CDIN1: variants seen among roughly 807,000 people sequenced by gnomAD.
The protein encoded by CDIN1 is CDAN1 interacting nuclease 1.
Under a neutral mutation model 45.3 loss-of-function variants are expected in CDIN1, and 33 were observed. The ratio of observed to expected loss-of-function variants is 0.73; its 90% CI spans 0.55 to 0.97. The LOEUF is 0.97. Among genes scored for constraint, CDIN1 ranks in the 50% least tolerant of loss-of-function variants. The probability of loss-of-function intolerance (pLI) is 0.00; values close to 1 mark genes in which losing one functional copy is unlikely to be tolerated. For synonymous variants in CDIN1, 118 were observed against 124.4 expected (o/e 0.95, Z 0.34); for missense variants, 303 against 339.4 (o/e 0.89, Z 0.84).
chr15:36,609,557 G>A (rs935306164), intron 1 of CDIN1, among the ~76,000 whole-genome samples: 1 of 152,098 alleles, frequency 6.6e-6, no homozygotes, highest in Non-Finnish European at 1.5e-5. Context: ...CTTGAAGCCA[G>A]GAGTTTGAGA....
chr15:36,644,286 A>G lies in CDIN1; in HGVS notation c.110A>G (p.Gln37Arg). 1.2e-6 allele frequency: 2 copies of G among 1,613,692 alleles called. No homozygotes were observed. The highest frequency in any genetic ancestry group is 1.7e-6 in the Non-Finnish European group (2 of 1,179,706). ...KLKQRFPSQS[Q>R]ATLLSIFSQE... The stretch of plus-strand genomic sequence containing the variant: ...TCTTTTATTTGTTCCAGTCAATCGC[A>G]GGCCACTCTGCTGAGCATCTTCTCC... The change falls in exon 2 of 11, where the codon CAG becomes CGG. Residue 37 changes from glutamine to arginine, a missense_variant. Transcript: ENST00000566621.
chr15:36,603,247 A>ACT (rs2038196486), intron 1 of CDIN1, among the ~76,000 whole-genome samples: 1 of 152,204 alleles, frequency 6.6e-6, no homozygotes, highest in Non-Finnish European at 1.5e-5. Context: ...TCAGAAGCTA[A>ACT]AGACACATTC....
At chr15:36,628,796 C>T (rs2039558660) in intron 1 of CDIN1, among the ~76,000 whole-genome samples, 1 of 152,124 alleles carries the variant, frequency 6.6e-6, no homozygotes, top group African/African-American at 2.4e-5. Flanking sequence ...TGTTACCTTA[C>T]ATAGACTTAG....
chr15:36,645,586 G>C (rs975768045), intron 3 of CDIN1, among the ~76,000 whole-genome samples: 3 of 150,650 alleles, frequency 2.0e-5, no homozygotes, highest in Admixed American at 2.0e-4. Context: ...TTGGCTACTT[G>C]AAACTTATTA....
intron 10 of CDIN1, among the ~76,000 whole-genome samples, chr15:36,779,143 A>C (rs1162604665): frequency 6.6e-6 from 1 of 152,198 alleles, no homozygotes; most frequent in Non-Finnish European, 1.5e-5. Context: ...GCTGTATGCC[A>C]CCACTCCCTG....
chr15:36,716,309 C>A (rs2043213136), intron 10 of CDIN1, among the ~76,000 whole-genome samples: 1 of 152,108 alleles, frequency 6.6e-6, no homozygotes, highest in Non-Finnish European at 1.5e-5. Context: ...AGAAATCTTA[C>A]ACCAAACCAA....
rs545950250 is a variant in CDIN1, at chr15:36,596,138, A to G, written c.101+16177A>G. ...ACTCAAACAAAATAATTGCTAACAA[A>G]AAATATATTTAGTAGAGTCAGTATC... On this transcript the variant is annotated intron_variant, in intron 1 of 10. Transcript: ENST00000566621. Among the ~76,000 whole-genome samples, 9 of 152,244 alleles carry G rather than the reference A, an allele frequency of 5.9e-5. No homozygotes were observed. In the South Asian group the frequency reaches 1.9e-3, roughly 32 times the overall value.
intron 1 of CDIN1, among the ~76,000 whole-genome samples, chr15:36,629,455 G>C (rs1445686735): frequency 1.3e-5 from 2 of 152,086 alleles, no homozygotes; most frequent in African/African-American, 4.8e-5. Context: ...AAAGGCAAAA[G>C]GATACCATGG....
chr15:36,613,315 T>C (rs1304154324), intron 1 of CDIN1, among the ~76,000 whole-genome samples: 1 of 152,144 alleles, frequency 6.6e-6, no homozygotes, highest in Non-Finnish European at 1.5e-5. Flanking sequence ...GGCTAATAGG[T>C]GCAAGTCACT....
chr15:36,725,359 T>C (rs930497040), intron 10 of CDIN1, among the ~76,000 whole-genome samples: 37 of 151,836 alleles, frequency 2.4e-4, no homozygotes, highest in Admixed American at 2.2e-3. Flanking sequence ...CTGAAACCCT[T>C]ACTTGGAACT....
intron 5 of CDIN1, among the ~76,000 whole-genome samples, chr15:36,671,469 A>G (rs972062422): frequency 1.3e-5 from 2 of 151,990 alleles, no homozygotes; most frequent in East Asian, 3.9e-4. Flanking sequence ...ATTCTGACAT[A>G]TTGTGTGTGT....
chr15:36,711,606 A>C (rs1239059176), intron 10 of CDIN1, among the ~76,000 whole-genome samples: 6 of 152,262 alleles, frequency 3.9e-5, no homozygotes, highest in Admixed American at 3.9e-4. Context: ...CCTTCTGGTG[A>C]TGTTTTACTT....
chr15:36,654,895 A>G (rs138382111), intron 4 of CDIN1, among the ~76,000 whole-genome samples: 403 of 152,322 alleles, frequency 2.6e-3, no homozygotes, highest in African/African-American at 9.1e-3. Context: ...CTGTAATAAG[A>G]GCAATACAAT....
At chr15:36,780,227 A>C (rs2054316816) in intron 10 of CDIN1, among the ~76,000 whole-genome samples, 1 of 152,198 alleles carries the variant, frequency 6.6e-6, no homozygotes, top group South Asian at 2.1e-4. Context: ...AGAGAATGGC[A>C]GTCTCAGAAC....
At chr15:36,729,857 G>A (rs888247967) in intron 10 of CDIN1, among the ~76,000 whole-genome samples, 1 of 152,182 alleles carries the variant, frequency 6.6e-6, no homozygotes, top group Non-Finnish European at 1.5e-5. Flanking sequence ...ATGACTGGTA[G>A]TACTTATCAA....
chr15:36,697,321 A>G lies in CDIN1; in HGVS notation c.477-2A>G, dbSNP rs748432862. On this transcript the variant is annotated splice_acceptor_variant, in intron 7 of 10. Transcript: ENST00000566621. LOFTEE classifies it high-confidence loss of function. ...GTTACCCCCTTAACTGAAACTTCCC[A>G]GTGCCATTGGTCATGAGCATGAGGT... 1.9e-6 allele frequency: 3 copies of G among 1,612,486 alleles called. No homozygotes were observed. Among genetic ancestry groups the G allele is most frequent in the Non-Finnish European group, 1.7e-6 (2 of 1,179,338 alleles).
chr15:36,782,297 G>A (rs1289971574), intron 10 of CDIN1, among the ~76,000 whole-genome samples: 1 of 152,134 alleles, frequency 6.6e-6, no homozygotes, highest in East Asian at 1.9e-4. Context: ...CTCCCAAAAG[G>A]TGGGGGTTTA....
At chr15:36,688,233 C>T (rs563669375) in intron 5 of CDIN1, among the ~76,000 whole-genome samples, 1 of 151,586 alleles carries the variant, frequency 6.6e-6, no homozygotes, top group Non-Finnish European at 1.5e-5. Flanking sequence ...GTAAAACTAA[C>T]CTCTAGCAAG....
rs1431347775 is a variant in CDIN1 at position 36,771,289 on chromosome 15, C to T, written c.717-37035C>T. Among the ~76,000 whole-genome samples the T allele has an allele frequency of 2.0e-5, 3 of 152,118 alleles. No homozygotes were observed. The South Asian group carries it at 6.2e-4, about 32-fold the overall frequency. ...ATGGGTGCAGCAAACCACCATGGCA[C>T]ATGTATACCTATGTAACAAACCTGC... On this transcript the variant is annotated intron_variant, in intron 10 of 10. Coordinates refer to ENST00000566621, the MANE Select transcript of CDIN1 (RefSeq NM_001321759.2).
Sources: gnomAD v4.1 joint callset for allele counts (sites outside exome capture counted in the v4.1 genomes callset) on GRCh38, gnomAD v4.1.1 for gene constraint, MANE v1.5 for transcripts, NCBI Gene and HGNC (gene_info 2026-07-23, HGNC 2026-07-21) for gene names.